The following CALD1 variants were observed in gnomAD, a reference collection of about 807,000 sequenced individuals.
CALD1 encodes the protein caldesmon.
A neutral mutation model predicts 99.9 loss-of-function variants in CALD1; 33 were observed. The observed-to-expected ratio is 0.33, with a 90% CI of 0.25 to 0.44. The LOEUF is 0.44. Among genes scored for constraint, CALD1 ranks in the 20% least tolerant of loss-of-function variants. The probability of loss-of-function intolerance (pLI) is 1.00; values close to 1 mark genes in which losing one functional copy is unlikely to be tolerated. For synonymous variants in CALD1, 310 were observed against 325.0 expected, an observed-to-expected ratio of 0.95 and a Z score of 0.50; for missense variants, 861 against 962.1, an observed-to-expected ratio of 0.89 and a Z score of 1.39.
At chr7:134,721,004 A>G in the CALD1 span, among the ~76,000 whole-genome samples, 1 of 152,234 alleles carries the variant, frequency 6.6e-6, no homozygotes, top group African/African-American at 2.4e-5. Flanking sequence ...GGTGTTTGCC[A>G]TGTAACTTCT....
chr7:134,889,193 C>T (rs1802024153), intron 3 of CALD1, among the ~76,000 whole-genome samples: 1 of 152,234 alleles, frequency 6.6e-6, no homozygotes, highest in Admixed American at 6.5e-5. Flanking sequence ...GCACAGGTCT[C>T]ACTGGGCTAA....
intron 3 of CALD1, among the ~76,000 whole-genome samples, chr7:134,912,976 T>G (rs914891124): frequency 6.6e-6 from 1 of 152,044 alleles, no homozygotes; most frequent in Non-Finnish European, 1.5e-5. Context: ...TTAAAAAAAT[T>G]AAGCGGGGCT....
intron 1 of CALD1, among the ~76,000 whole-genome samples, chr7:134,792,675 C>T (rs960835229): frequency 3.3e-5 from 5 of 152,144 alleles, no homozygotes; most frequent in African/African-American, 1.2e-4. Flanking sequence ...TCTGTAAAGA[C>T]CCTATCTCCA....
chr7:134,822,946 T>G (rs1304271013), intron 1 of CALD1, among the ~76,000 whole-genome samples: 1 of 152,208 alleles, frequency 6.6e-6, no homozygotes, highest in African/African-American at 2.4e-5. Context: ...ACTTTACATG[T>G]AGAAGCTCTG....
At chr7:134,808,296 C>A (rs971701315) in intron 1 of CALD1, among the ~76,000 whole-genome samples, 1 of 151,304 alleles carries the variant, frequency 6.6e-6, no homozygotes, top group Non-Finnish European at 1.5e-5. Flanking sequence ...TTTGTAGAGA[C>A]AACGTCTCAC....
intron 1 of CALD1, among the ~76,000 whole-genome samples, chr7:134,811,985 CAG>C (rs765985301): frequency 6.6e-6 from 1 of 152,094 alleles, no homozygotes; most frequent in Non-Finnish European, 1.5e-5. Context: ...TTCTCCAAAA[CAG>C]AGAGATAGCA....
At chr7:134,718,504 T>C in the CALD1 span, among the ~76,000 whole-genome samples, 5 of 152,180 alleles carry the variant, frequency 3.3e-5, no homozygotes, top group Admixed American at 2.6e-4. Flanking sequence ...TACATACTTA[T>C]ATTTATTTGT....
chr7:134,933,952 A>T lies in CALD1; in HGVS notation c.1183A>T (p.Lys395Ter). The part of the protein sequence containing the change: ...EQKRNKQLEE[K>*]KHAMQETKIK... ...GAAACGTAACAAGCAGCTAGAAGAG[A>T]AAAAACATGCCATGCAAGAGACAAA... is the stretch of plus-strand genomic sequence containing the variant. Residue 395 changes from lysine (K) to a stop codon, truncating the protein, a stop_gained, in exon 5 of 15, where the codon AAA (lysine) becomes TAA (stop). Transcript: ENST00000361675. LOFTEE classifies it high-confidence loss of function. 3 of 1,614,122 alleles carry T rather than the reference A, an allele frequency of 1.9e-6. No individual in the cohort carries two copies. Among genetic ancestry groups the T allele is most frequent in the Non-Finnish European group, 2.5e-6 (3 of 1,179,994 alleles).
intron 1 of CALD1, among the ~76,000 whole-genome samples, chr7:134,815,671 C>T (rs1012874922): frequency 1.3e-5 from 2 of 151,970 alleles, no homozygotes; most frequent in Non-Finnish European, 2.9e-5. Flanking sequence ...CAAAATTTTA[C>T]CTATCTTCTG....
chr7:134,901,023 T>A (rs1802955435), intron 3 of CALD1, among the ~76,000 whole-genome samples: 1 of 152,108 alleles, frequency 6.6e-6, no homozygotes, highest in Admixed American at 6.5e-5. Context: ...AAATAAGAAT[T>A]TGTACCACTA....
intron 3 of CALD1, among the ~76,000 whole-genome samples, chr7:134,886,136 T>C (rs1801841829): frequency 6.6e-6 from 1 of 152,202 alleles, no homozygotes; most frequent in Non-Finnish European, 1.5e-5. Flanking sequence ...ACAGGGAGTC[T>C]CACAGCAAGT....
intron 3 of CALD1, among the ~76,000 whole-genome samples, chr7:134,896,761 A>G (rs1193161934): frequency 4.6e-5 from 7 of 152,208 alleles, no homozygotes; most frequent in Admixed American, 2.0e-4. Context: ...CAGCCCATCA[A>G]AATCACTTTA....
the CALD1 span, among the ~76,000 whole-genome samples, chr7:134,718,002 G>A: frequency 6.6e-6 from 1 of 152,124 alleles, no homozygotes; most frequent in African/African-American, 2.4e-5. Context: ...TACTAACTAT[G>A]TGAATGCTTC....
chr7:134,896,839 G>A (rs769322323), intron 3 of CALD1, among the ~76,000 whole-genome samples: 5 of 152,180 alleles, frequency 3.3e-5, no homozygotes, highest in Admixed American at 6.5e-5. Context: ...CTCTGGAGGC[G>A]AACTTACCCC....
rs150939004 is a variant in CALD1 at position 134,956,281 on chromosome 7, A to G, written c.1936-1788A>G. On this transcript the variant is annotated intron_variant, in intron 9 of 14. Coordinates refer to ENST00000361675, the MANE Select transcript of CALD1 (RefSeq NM_033138.4). Reference sequence around the variant, plus strand: ...TGTGGTATTTATTAATTGCTCATGAATCCCAGACCAGTCTGGGTCAGAAAG... The same window carrying G: ...TGTGGTATTTATTAATTGCTCATGAGTCCCAGACCAGTCTGGGTCAGAAAG... Among the ~76,000 whole-genome samples, 87 of 152,276 alleles carry G rather than the reference A, an allele frequency of 5.7e-4. 1 individual carries two copies. The highest frequency in any genetic ancestry group is 1.9e-3 in the African/African-American group (80 of 41,556).
chr7:134,815,900 G>A (rs866926890), intron 1 of CALD1, among the ~76,000 whole-genome samples: 6 of 151,846 alleles, frequency 4.0e-5, no homozygotes, highest in African/African-American at 1.5e-4. Context: ...AACTATCCTC[G>A]AACTGGCATA....
At chr7:134,821,711 T>C (rs577314801) in intron 1 of CALD1, among the ~76,000 whole-genome samples, 1 of 150,970 alleles carries the variant, frequency 6.6e-6, no homozygotes, top group South Asian at 2.1e-4. Flanking sequence ...GCCTCCTGAG[T>C]AGCTGGGATT....
At chr7:134,745,259 G>A (rs1400977359) in intron 1 of CALD1, among the ~76,000 whole-genome samples, 1 of 152,126 alleles carries the variant, frequency 6.6e-6, no homozygotes, top group Non-Finnish European at 1.5e-5. Context: ...TTCAGTATCA[G>A]GCATCTTAAA....
chr7:134,900,356 C>G (rs1802900575), intron 3 of CALD1, among the ~76,000 whole-genome samples: 1 of 152,126 alleles, frequency 6.6e-6, no homozygotes, highest in African/African-American at 2.4e-5. Context: ...TTGAAAAAGA[C>G]TGAGTTCACA....
Sources: gnomAD v4.1 joint callset for allele counts (sites outside exome capture counted in the v4.1 genomes callset) on GRCh38, gnomAD v4.1.1 for gene constraint, MANE v1.5 for transcripts, NCBI Gene and HGNC (gene_info 2026-07-23, HGNC 2026-07-21) for gene names.